NPSR1: variants seen among roughly 807,000 people sequenced by gnomAD.
NPSR1 encodes neuropeptide S receptor 1.
A neutral mutation model predicts 46.9 loss-of-function variants in NPSR1; 48 were observed. The ratio of observed to expected loss-of-function variants is 1.02; its 90% CI spans 0.81 to 1.30. The LOEUF (loss-of-function observed/expected upper bound fraction) is 1.30, where lower values mean the gene tolerates loss of function less well. Among genes scored for constraint, NPSR1 ranks in the 50% most tolerant of loss-of-function variants. The probability of loss-of-function intolerance (pLI) is 0.00; values close to 1 mark genes in which losing one functional copy is unlikely to be tolerated. For synonymous variants in NPSR1, 176 were observed against 168.1 expected (o/e 1.05, Z -0.36); for missense variants, 450 against 449.5 (o/e 1.00, Z -0.01).
At chr7:34,687,708 AT>A (rs2128686802) in intron 2 of NPSR1, among the ~76,000 whole-genome samples, 1 of 152,312 alleles carries the variant, frequency 6.6e-6, no homozygotes, top group East Asian at 1.9e-4. Context: ...GAGTCAAACC[AT>A]ATCATATATT....
chr7:34,823,404 A>AGAAAAAAAACAAAAC (rs200034360), intron 4 of NPSR1, among the ~76,000 whole-genome samples: 3 of 145,296 alleles, frequency 2.1e-5, no homozygotes, highest in African/African-American at 8.1e-5. Context: ...CACCAGAAAA[A>AGAAAAAAAACAAAAC]AAAAAAAAAA....
At chr7:34,685,340 G>A (rs1346323609) in intron 2 of NPSR1, among the ~76,000 whole-genome samples, 5 of 151,930 alleles carry the variant, frequency 3.3e-5, no homozygotes, top group African/African-American at 1.2e-4. Flanking sequence ...ATGTTCAAAA[G>A]GAAAAGAAAA....
intron 2 of NPSR1, among the ~76,000 whole-genome samples, chr7:34,744,239 CT>C (rs1785094893): frequency 6.6e-6 from 1 of 152,076 alleles, no homozygotes; most frequent in South Asian, 2.1e-4. Flanking sequence ...TCTAGTAATG[CT>C]TTTAGCATTA....
chr7:34,751,555 T>C, intron 2 of NPSR1: 2 of 1,591,384 alleles, frequency 1.3e-6, no homozygotes, highest in South Asian at 1.1e-5. Flanking sequence ...ATTCTTCTCC[T>C]TGGGATCTTT....
At chr7:34,792,592 C>A (rs557707373) in intron 3 of NPSR1, among the ~76,000 whole-genome samples, 1 of 120,092 alleles carries the variant, frequency 8.3e-6, no homozygotes, top group Non-Finnish European at 1.8e-5. Flanking sequence ...TATATATATA[C>A]GTATATATGT....
At chr7:34,722,824 C>T (rs879559525) in intron 2 of NPSR1, among the ~76,000 whole-genome samples, 3 of 152,226 alleles carry the variant, frequency 2.0e-5, no homozygotes, top group South Asian at 2.1e-4. Flanking sequence ...GTGTCTTGAG[C>T]CACTAGAAGA....
intron 1 of NPSR1, among the ~76,000 whole-genome samples, chr7:34,673,381 G>T (rs35567595): frequency 0.25 from 37,620 of 152,004 alleles, 4,879 homozygotes; most frequent in South Asian, 0.34. Flanking sequence ...CCAGCTCCAT[G>T]ATTTTCAGGA....
chr7:34,733,866 C>T (rs759316954), intron 2 of NPSR1, among the ~76,000 whole-genome samples: 4 of 152,206 alleles, frequency 2.6e-5, no homozygotes, highest in East Asian at 3.9e-4. Flanking sequence ...ATTTCTCTTA[C>T]GAATGCCGAG....
intron 4 of NPSR1, among the ~76,000 whole-genome samples, chr7:34,819,724 T>C (rs1431583425): frequency 6.6e-6 from 1 of 152,156 alleles, no homozygotes; most frequent in Non-Finnish European, 1.5e-5. Flanking sequence ...ATATACACCA[T>C]GGAATACTAT....
At chr7:34,722,296 T>C (rs1057496915) in intron 2 of NPSR1, among the ~76,000 whole-genome samples, 1 of 152,174 alleles carries the variant, frequency 6.6e-6, no homozygotes, top group Non-Finnish European at 1.5e-5. Flanking sequence ...AATCCATCCG[T>C]AGGGTAATAA....
rs1476382424 is a variant in NPSR1 at position 34,849,798 on chromosome 7, A to T, written c.*143A>T. 2.0e-6 allele frequency: 3 copies of T among 1,470,940 alleles called. No homozygotes were observed. The highest frequency in any genetic ancestry group is 2.7e-6 in the Non-Finnish European group (3 of 1,113,730). 91.1% of individuals were successfully genotyped at this position (1,470,940 alleles called of 1,614,324 possible). ...GGAGATGCACAAGACAAATGTTCTA[A>T]TGACTGCATGCACTGCTTAAGTATT... On this transcript the variant is annotated 3_prime_UTR_variant, in exon 9 of 9. Coordinates refer to ENST00000360581, the MANE Select transcript of NPSR1 (RefSeq NM_207172.2).
chr7:34,697,032 T>A (rs186792712), intron 2 of NPSR1, among the ~76,000 whole-genome samples: 116 of 152,134 alleles, frequency 7.6e-4, no homozygotes, highest in South Asian at 2.1e-3. Context: ...ATGTCTGGGA[T>A]TTACTTCAAA....
intron 2 of NPSR1, among the ~76,000 whole-genome samples, chr7:34,752,640 T>C (rs1444980113): frequency 1.3e-5 from 2 of 152,188 alleles, no homozygotes; most frequent in East Asian, 1.9e-4. Flanking sequence ...TACTAGATGT[T>C]TGGGGGAAGG....
At chr7:34,671,175 G>A (rs1339793583) in intron 1 of NPSR1, among the ~76,000 whole-genome samples, 1 of 139,506 alleles carries the variant, frequency 7.2e-6, no homozygotes, top group African/African-American at 3.1e-5. Context: ...AATGTTAAAG[G>A]TTTTTAAAAG....
intron 2 of NPSR1, among the ~76,000 whole-genome samples, chr7:34,697,718 T>A (rs1050242299): frequency 1.3e-4 from 19 of 151,844 alleles, no homozygotes; most frequent in African/African-American, 4.6e-4. Flanking sequence ...CTGCAGTTGA[T>A]AGAATCCATG....
At chr7:34,856,650 C>CTGTT (rs1791055564) in intron 8 of NPSR1, among the ~76,000 whole-genome samples, 1 of 151,588 alleles carries the variant, frequency 6.6e-6, no homozygotes, top group South Asian at 2.1e-4. Flanking sequence ...AGGACAGAGT[C>CTGTT]TGTTGGACTC....
At chr7:34,685,892 C>A in intron 2 of NPSR1, 1 of 232,954 alleles carries the variant, frequency 4.3e-6, no homozygotes, top group South Asian at 4.5e-5. Context: ...TCAATCTTTC[C>A]TACCAACAAG....
At chr7:34,873,344 A>C (rs1206939052) in intron 8 of NPSR1, among the ~76,000 whole-genome samples, 1 of 151,722 alleles carries the variant, frequency 6.6e-6, no homozygotes, top group African/African-American at 2.4e-5. Context: ...CCTTTTTAGC[A>C]ATGCCCAACT....
chr7:34,679,691 G>C (rs1434248926), intron 1 of NPSR1, among the ~76,000 whole-genome samples: 1 of 152,178 alleles, frequency 6.6e-6, no homozygotes, highest in East Asian at 1.9e-4. Context: ...AGGACTTACT[G>C]TAAGTTATGT....
Sources: gnomAD v4.1 joint callset for allele counts (sites outside exome capture counted in the v4.1 genomes callset) on GRCh38, gnomAD v4.1.1 for gene constraint, MANE v1.5 for transcripts, NCBI Gene and HGNC (gene_info 2026-07-23, HGNC 2026-07-21) for gene names.